Variants in ZDHHC3 observed in about 807,000 individuals in gnomAD.
ZDHHC3 encodes palmitoyltransferase ZDHHC3.
ZDHHC3 carries 9 observed loss-of-function variants against 30.6 expected under a neutral mutation model. That is an observed-to-expected ratio of 0.29 (90% confidence interval 0.18 to 0.51). The LOEUF (loss-of-function observed/expected upper bound fraction) is 0.51, where lower values mean the gene tolerates loss of function less well. Among genes scored for constraint, ZDHHC3 ranks in the 20% least tolerant of loss-of-function variants. ZDHHC3 has a pLI of 0.97. For synonymous variants in ZDHHC3, 136 were observed against 140.2 expected, an observed-to-expected ratio of 0.97 and a Z score of 0.21; for missense variants, 246 against 384.2, an observed-to-expected ratio of 0.64 and a Z score of 3.01.
chr3:44,971,328 C>T (rs1705384915), intron 1 of ZDHHC3, among the ~76,000 whole-genome samples: 1 of 152,154 alleles, frequency 6.6e-6, no homozygotes, highest in African/African-American at 2.4e-5. Flanking sequence ...ATGACATTTC[C>T]CATGCATTCC....
intron 1 of ZDHHC3, among the ~76,000 whole-genome samples, chr3:44,975,034 C>G (rs7653438): frequency 0.79 from 120,368 of 151,676 alleles, 48,160 homozygotes; most frequent in East Asian, 1. Flanking sequence ...TGTATTTGAA[C>G]CCACTATCTG....
At chr3:44,953,600 T>C (rs2125892396) in intron 2 of ZDHHC3, among the ~76,000 whole-genome samples, 1 of 152,290 alleles carries the variant, frequency 6.6e-6, no homozygotes, top group Non-Finnish European at 1.5e-5. Context: ...CCAGTCTGGG[T>C]AGAAACTCCA....
chr3:44,927,525 T>C (rs1340060716), intron 6 of ZDHHC3, among the ~76,000 whole-genome samples: 1 of 151,976 alleles, frequency 6.6e-6, no homozygotes, highest in Non-Finnish European at 1.5e-5. Context: ...GAGGGATTAG[T>C]ACAGGTTAGA....
chr3:44,958,673 T>A, intron 2 of ZDHHC3: 1 of 1,536,176 alleles, frequency 6.5e-7, no homozygotes, highest in Non-Finnish European at 8.7e-7. Context: ...GAAGGCCATT[T>A]CCGTGCAGGT....
Position 44,923,902 on chromosome 3 carries a change from A to T in ZDHHC3, c.*2787T>A. The T allele has an allele frequency of 1.0e-6, 1 of 985,412 alleles. No individual in the cohort carries two copies. The highest frequency in any genetic ancestry group is 1.2e-6 in the Non-Finnish European group (1 of 829,928). 61.0% of individuals were successfully genotyped at this position (985,412 alleles called of 1,614,324 possible). On this transcript the variant is annotated 3_prime_UTR_variant, in exon 7 of 7. Coordinates refer to ENST00000424952, the MANE Select transcript of ZDHHC3 (RefSeq NM_001135179.2). ...TACCCAAATGTGTTTTGTGTACATG[A>T]TATTACCAAGCCCATGCAAATATGC...
At position 44,918,811 on chromosome 3, in the gene ZDHHC3, T is replaced by A. The variant is rs1700391676; in HGVS notation, c.*7878A>T. On this transcript the variant is annotated 3_prime_UTR_variant, in exon 7 of 7. Coordinates refer to ENST00000424952, the MANE Select transcript of ZDHHC3 (RefSeq NM_001135179.2). ...AACTCACCTGCCTCTGGGTGTCGGC[T>A]GCAACTCAGCCACCAGGCCACAGAA... is the stretch of plus-strand genomic sequence containing the variant. 2 of 987,030 alleles carry A rather than the reference T, an allele frequency of 2.0e-6. No individual in the cohort carries two copies. The highest frequency in any genetic ancestry group is 9.3e-5 in the South Asian group (2 of 21,398). 61.1% of individuals were successfully genotyped at this position (987,030 alleles called of 1,614,324 possible).
At chr3:44,929,815 G>A (rs1233764273) in intron 5 of ZDHHC3, among the ~76,000 whole-genome samples, 1 of 152,230 alleles carries the variant, frequency 6.6e-6, no homozygotes, top group East Asian at 1.9e-4. Context: ...AGAGCACAAT[G>A]CAGGTACACA....
chr3:44,922,774 T>C lies in ZDHHC3; in HGVS notation c.*3915A>G. 1 of 984,892 alleles carries C rather than the reference T, an allele frequency of 1.0e-6. No individual in the cohort carries two copies. The highest frequency in any genetic ancestry group is 1.2e-6 in the Non-Finnish European group (1 of 829,452). 61.0% of individuals were successfully genotyped at this position (984,892 alleles called of 1,614,324 possible). Reference sequence around the variant, plus strand: ...GGTAGCCTGGGGTGGGGACCGAGAATGTGCATTTCTAACAAGTTCTCAGGT... The same window carrying C: ...GGTAGCCTGGGGTGGGGACCGAGAACGTGCATTTCTAACAAGTTCTCAGGT... On this transcript the variant is annotated 3_prime_UTR_variant, in exon 7 of 7. Transcript: ENST00000424952.
rs745706043 is a variant in ZDHHC3, at chr3:44,929,581, C to T, written c.611-145G>A. On this transcript the variant is annotated intron_variant, in intron 5 of 6. Transcript: ENST00000424952. ...CCATAGGTCTCTGGCCTCCAGGCTA[C>T]GGTGAGAATCATCCTGGCCCACACT... The T allele has an allele frequency of 1.9e-5, 21 of 1,116,332 alleles. 1 individual carries two copies. Among genetic ancestry groups the T allele is most frequent in the South Asian group, 1.1e-4 (7 of 63,662 alleles). 69.2% of individuals were successfully genotyped at this position (1,116,332 alleles called of 1,614,324 possible).
rs140140748 is a variant in ZDHHC3, at chr3:44,944,131, C to T, written c.431+1037G>A. Among the ~76,000 whole-genome samples the T allele has an allele frequency of 9.1e-3, 1,387 of 152,108 alleles. 20 individuals carry two copies. Among genetic ancestry groups the T allele is most frequent in the African/African-American group, 0.029 (1,215 of 41,504 alleles). On this transcript the variant is annotated intron_variant, in intron 3 of 6. Coordinates refer to ENST00000424952, the MANE Select transcript of ZDHHC3 (RefSeq NM_001135179.2). ...AGCTGGGGCTGCAGATGTGTGCCAC[C>T]ACACCCAGCTAATTAAAAAAAAATT...
chr3:44,959,264 G>C lies in ZDHHC3; in HGVS notation c.173C>G (p.Ala58Gly), dbSNP rs1272575743. Residue 58 changes from alanine (A) to glycine (G), a missense_variant, in exon 2 of 7, where the codon GCG becomes GGG. Coordinates refer to ENST00000424952, the MANE Select transcript of ZDHHC3 (RefSeq NM_001135179.2). This position sits in a 1 kb window ranked among gnomAD's most constrained non-coding sequence, Gnocchi z 4.3. ...AIVTWFLVLY[A>G]EFVVLFVMLI... The stretch of plus-strand genomic sequence containing the variant: ...CATGACAAAGAGGACCACGAACTCC[G>C]CATAGAGGACCAGAAACCAGGTAAC... The C allele has an allele frequency of 6.2e-7, 1 of 1,614,228 alleles. No individual in the cohort carries two copies. Among genetic ancestry groups the C allele is most frequent in the Non-Finnish European group, 8.5e-7 (1 of 1,180,046 alleles).
intron 1 of ZDHHC3, among the ~76,000 whole-genome samples, chr3:44,972,704 T>G (rs1483507162): frequency 6.6e-6 from 1 of 152,230 alleles, no homozygotes; most frequent in Non-Finnish European, 1.5e-5. Context: ...ACGTCTCAAT[T>G]GAGCACTTTA....
chr3:44,971,083 C>G (rs1705364322), intron 1 of ZDHHC3, among the ~76,000 whole-genome samples: 1 of 152,210 alleles, frequency 6.6e-6, no homozygotes, highest in Non-Finnish European at 1.5e-5. Context: ...GCTACTATTT[C>G]TTGGTTTAGA....
intron 1 of ZDHHC3, among the ~76,000 whole-genome samples, chr3:44,972,048 G>A (rs985749833): frequency 5.9e-5 from 9 of 152,134 alleles, no homozygotes; most frequent in African/African-American, 1.9e-4. Context: ...CAGGCAAAAC[G>A]GTAACTGACT....
rs544510467 is a variant in ZDHHC3 at position 44,937,999 on chromosome 3, T to C, written c.432-4015A>G. Reference sequence around the variant, plus strand: ...CACAGCGGAAATACCACTTTTTTTTTTGGAGACAGAGTCTCGCTCTGTTGC... The same window carrying C: ...CACAGCGGAAATACCACTTTTTTTTCTGGAGACAGAGTCTCGCTCTGTTGC... On this transcript the variant is annotated intron_variant, in intron 3 of 6. Transcript: ENST00000424952. The C allele has an allele frequency of 3.1e-5, 13 of 413,042 alleles. No homozygotes were observed. The East Asian group carries it at 6.5e-4, about 21-fold the overall frequency. 25.6% of individuals were successfully genotyped at this position (413,042 alleles called of 1,614,324 possible). A position where few individuals can be genotyped will look rare whatever the true frequency, so the allele number is the denominator to read the frequency against.
In ZDHHC3 at chr3:44,923,998, C is replaced by T. The variant is rs1428681868; in HGVS notation, c.*2691G>A. 15 of 985,278 alleles carry T rather than the reference C, an allele frequency of 1.5e-5. No individual in the cohort carries two copies. The highest frequency in any genetic ancestry group is 1.8e-5 in the Non-Finnish European group (15 of 829,938). 61.0% of individuals were successfully genotyped at this position (985,278 alleles called of 1,614,324 possible). ...CTAGTTGCTATGAACACAAACCTGA[C>T]AGAGTTGACAGAAGGAAAGCAAGCT... On this transcript the variant is annotated 3_prime_UTR_variant, in exon 7 of 7. Coordinates refer to ENST00000424952, the MANE Select transcript of ZDHHC3 (RefSeq NM_001135179.2).
At chr3:44,948,230 T>G (rs1052359684) in intron 2 of ZDHHC3, among the ~76,000 whole-genome samples, 2 of 151,648 alleles carry the variant, frequency 1.3e-5, no homozygotes, top group Admixed American at 6.6e-5. Flanking sequence ...CTCCCCAGAG[T>G]TGGACCGATG....
At chr3:44,971,481 G>A (rs1418419504) in intron 1 of ZDHHC3, among the ~76,000 whole-genome samples, 6 of 152,226 alleles carry the variant, frequency 3.9e-5, no homozygotes, top group Non-Finnish European at 5.9e-5. Context: ...TTTTTAAAAT[G>A]CAAAACAGGA....
intron 5 of ZDHHC3, among the ~76,000 whole-genome samples, chr3:44,930,023 C>CCGCT (rs1701355037): frequency 6.6e-6 from 1 of 152,242 alleles, no homozygotes; most frequent in Admixed American, 6.5e-5. Context: ...TGCACTGCCC[C>CCGCT]CGCTCCCAGG....
Sources: allele counts gnomAD v4.1 joint callset (sites outside exome capture counted in the v4.1 genomes callset), GRCh38; gene constraint gnomAD v4.1.1; non-coding constraint Gnocchi (gnomAD v3.1); transcripts MANE v1.5; gene names NCBI Gene and HGNC (gene_info 2026-07-23, HGNC 2026-07-21).